AARS2: variants seen among roughly 807,000 people sequenced by gnomAD.
The protein encoded by AARS2 is alanyl-tRNA synthetase 2, mitochondrial.
Under a neutral mutation model 119.7 loss-of-function variants are expected in AARS2, and 78 were observed. The observed-to-expected ratio is 0.65, with a 90% CI of 0.54 to 0.79. The LOEUF (loss-of-function observed/expected upper bound fraction) is 0.79. Among genes scored for constraint, AARS2 ranks in the 30% least tolerant of loss-of-function variants. AARS2 has a pLI of 0.00. For missense variants in AARS2, 1,157 were observed against 1,291.3 expected, an observed-to-expected ratio of 0.90 and a Z score of 1.59; for synonymous variants, 502 against 526.3, an observed-to-expected ratio of 0.95 and a Z score of 0.63.
In AARS2 at chr6:44,307,573, G is replaced by C. The variant is rs1179426049; in HGVS notation, c.895-179C>G. Reference sequence around the variant, plus strand: ...AGCACAAGCCAGGCCCTGCCCTCACGGGGCTCATATTTGGTGCTACAAGTG... The same window carrying C: ...AGCACAAGCCAGGCCCTGCCCTCACCGGGCTCATATTTGGTGCTACAAGTG... On this transcript the variant is annotated intron_variant, in intron 5 of 21. Transcript: ENST00000244571. The surrounding 1 kb of genome is among the most constrained non-coding windows in gnomAD (Gnocchi z 4.4). The C allele has an allele frequency of 4.1e-6, 3 of 735,224 alleles. No individual in the cohort carries two copies. The East Asian group carries it at 8.2e-5, about 20-fold the overall frequency. 45.5% of individuals were successfully genotyped at this position (735,224 alleles called of 1,614,324 possible).
intron 2 of AARS2, 26 bp from the exon 3 acceptor site, chr6:44,311,561 G>T (rs778305605): frequency 6.8e-6 from 11 of 1,608,916 alleles, no homozygotes; most frequent in East Asian, 2.2e-5. Context: ...GCATGGGGTG[G>T]GGGGGGAAGA....
At chr6:44,309,861 G>A (rs1214885062) in intron 5 of AARS2, among the ~76,000 whole-genome samples, 1 of 152,080 alleles carries the variant, frequency 6.6e-6, no homozygotes, top group African/African-American at 2.4e-5. Flanking sequence ...CCTTCCCCAA[G>A]CACCTTATCT....
At position 44,309,400 on chromosome 6, in the gene AARS2, G is replaced by A. The variant is rs114588429; in HGVS notation, c.894+899C>T. Reference sequence around the variant, plus strand: ...AAACGCTAGCTCACAGACTCAGGGGGCAGATACATGGTTGTTGGTTAAGCC... The same window carrying A: ...AAACGCTAGCTCACAGACTCAGGGGACAGATACATGGTTGTTGGTTAAGCC... On this transcript the variant is annotated intron_variant, in intron 5 of 21. Transcript: ENST00000244571. 8.7e-3 allele frequency among the ~76,000 whole-genome samples: 1,318 copies of A among 152,326 alleles called. 17 individuals are homozygous for A. The highest frequency in any genetic ancestry group is 0.031 in the African/African-American group (1,275 of 41,562).
At chr6:44,302,718 G>T in intron 17 of AARS2, 84 bp downstream of exon 17, 1 of 1,474,658 alleles carries the variant, frequency 6.8e-7, no homozygotes, top group Non-Finnish European at 9.3e-7. Context: ...CTGCTGCTGG[G>T]CACCCCTGAG....
At chr6:44,303,212 A>C in intron 15 of AARS2, 37 bp from the exon 16 acceptor site, 2 of 1,614,028 alleles carry the variant, frequency 1.2e-6, no homozygotes, top group Non-Finnish European at 1.7e-6. Context: ...TAACTGCCAA[A>C]GGAGAAGGAT....
At position 44,300,169 on chromosome 6, in the gene AARS2, T is replaced by C. The variant is rs948761428; in HGVS notation, c.*378A>G. The C allele has an allele frequency of 3.3e-5, 9 of 273,006 alleles. No individual in the cohort carries two copies. The highest frequency in any genetic ancestry group is 1.2e-4 in the South Asian group (3 of 24,450). 16.9% of individuals were successfully genotyped at this position (273,006 alleles called of 1,614,324 possible). On this transcript the variant is annotated 3_prime_UTR_variant, in exon 22 of 22. Transcript: ENST00000244571. Reference sequence around the variant, plus strand: ...TAATTTTTTGTATTTTTAGTAGAGATGGGGTTTCACCATGTTAGCCAGGAT... The same window carrying C: ...TAATTTTTTGTATTTTTAGTAGAGACGGGGTTTCACCATGTTAGCCAGGAT...
intron 5 of AARS2, among the ~76,000 whole-genome samples, chr6:44,309,946 A>AT (rs765815581): frequency 4.6e-5 from 7 of 152,144 alleles, no homozygotes; most frequent in Non-Finnish European, 8.8e-5. Flanking sequence ...TCTGTAAGCT[A>AT]TTACCTTGTT....
chr6:44,311,414 G>C lies in AARS2; in HGVS notation c.557C>G (p.Thr186Ser). The C allele has an allele frequency of 6.2e-7, 1 of 1,614,176 alleles. No individual in the cohort carries two copies. Among genetic ancestry groups the C allele is most frequent in the African/African-American group, 1.3e-5 (1 of 75,026 alleles). The change falls in exon 3 of 22, where the codon ACC (threonine) becomes AGC (serine). Residue 186 changes from threonine to serine, a missense_variant. Coordinates refer to ENST00000244571, the MANE Select transcript of AARS2 (RefSeq NM_020745.4). ...PKAGLDPDLETRDIWLSLGVP... is the reference protein window; with the variant it reads ...PKAGLDPDLESRDIWLSLGVP... ...CCCTAAGCTCAGCCAGATGTCCCTG[G>C]TCTCCAGGTCTGGGTCCAGCCCTGC...
At position 44,299,262 on chromosome 6, in the gene AARS2, CTTTTTT is replaced by C. The variant is rs35562884; in HGVS notation, c.*1279_*1284del. On this transcript the variant is annotated 3_prime_UTR_variant, in exon 22 of 22. Coordinates refer to ENST00000244571, the MANE Select transcript of AARS2 (RefSeq NM_020745.4). ...ATCACCATCTGACACTTTCTCCCTT[CTTTTTT>C]TTAAGACAGGGTCTCACTCTGTTGC... Among the ~76,000 whole-genome samples, 1 of 150,746 alleles carries C rather than the reference CTTTTTT, an allele frequency of 6.6e-6. No homozygotes were observed. Among genetic ancestry groups the C allele is most frequent in the African/African-American group, 2.5e-5 (1 of 40,506 alleles).
In AARS2 at chr6:44,311,475, T is replaced by C. The variant is rs375637000; in HGVS notation, c.496A>G (p.Arg166Gly). The change falls in exon 3 of 22, where the codon AGG becomes GGG. Residue 166 changes from arginine (R) to glycine (G), a missense_variant. Coordinates refer to ENST00000244571, the MANE Select transcript of AARS2 (RefSeq NM_020745.4). ...CCATCAAAGTAGGAGATCCAGAGCC[T>C]TTCCTCAGGGATCCCATAGACCTGA... Reference protein sequence around the residue: ...LTQVYGIPEERLWISYFDGDP... With the variant: ...LTQVYGIPEEGLWISYFDGDP... 6.2e-7 allele frequency: 1 copy of C among 1,613,970 alleles called. No individual in the cohort carries two copies. Among genetic ancestry groups the C allele is most frequent in the African/African-American group, 1.3e-5 (1 of 74,892 alleles).
At position 44,304,513 on chromosome 6, in the gene AARS2, G is replaced by C. The variant is rs765790917; in HGVS notation, c.1773C>G (p.Ala591=). Residue 591 remains alanine, a synonymous_variant, in exon 13 of 22, where the codon GCC becomes GCG. Coordinates refer to ENST00000244571, the MANE Select transcript of AARS2 (RefSeq NM_020745.4). ...TGAAACCTCCACAGACCTGGGCCCGGGCTACTGGGAACAGCACGTCCTGAG... is the reference window on the plus strand; with the variant it reads ...TGAAACCTCCACAGACCTGGGCCCGCGCTACTGGGAACAGCACGTCCTGAG... ...AGQEDVLFPV[A]RAQVCGGFIL... 1.2e-6 allele frequency: 2 copies of C among 1,614,118 alleles called. No homozygotes were observed. The highest frequency in any genetic ancestry group is 1.7e-6 in the Non-Finnish European group (2 of 1,180,018).
Position 44,312,028 on chromosome 6 carries a change from A to T in AARS2, c.435+44T>A, listed in dbSNP as rs755361532. 19 of 1,604,338 alleles carry T rather than the reference A, an allele frequency of 1.2e-5. No homozygotes were observed. In the South Asian group the frequency reaches 2.1e-4, roughly 18 times the overall value. ...CAGACAGTACAATGGAAACAGGACA[A>T]ATTGACTCCCTTCTTGGCTGATCAC... On this transcript the variant is annotated intron_variant, in intron 2 of 21. Coordinates refer to ENST00000244571, the MANE Select transcript of AARS2 (RefSeq NM_020745.4).
intron 9 of AARS2, among the ~76,000 whole-genome samples, 167 bp downstream of exon 9, chr6:44,306,113 C>T (rs567770257): frequency 1.1e-4 from 17 of 152,236 alleles, no homozygotes; most frequent in Admixed American, 6.5e-4. Context: ...GGGTGGTATT[C>T]CTGCTGCAGA....
chr6:44,311,685 C>T (rs1432541187), intron 2 of AARS2, 150 bp from the exon 3 acceptor site: 1 of 1,018,936 alleles, frequency 9.8e-7, no homozygotes, highest in Non-Finnish European at 1.4e-6. Context: ...TGAACCATTA[C>T]TGCCTCTGAG....
chr6:44,304,813 G>C lies in AARS2; in HGVS notation c.1584C>G (p.Phe528Leu). Residue 528 changes from phenylalanine to leucine, a missense_variant, in exon 12 of 22, where the codon TTC becomes TTG. Coordinates refer to ENST00000244571, the MANE Select transcript of AARS2 (RefSeq NM_020745.4). Reference protein sequence around the residue: ...YSLRPSGSYEFGTCEAQVLQL... With the variant: ...YSLRPSGSYELGTCEAQVLQL... The stretch of plus-strand genomic sequence containing the variant: ...GCAACACCTGGGCCTCACAGGTGCC[G>C]AACTCTGCCAGGGCACAGAATGGTT... 1 of 1,614,134 alleles carries C rather than the reference G, an allele frequency of 6.2e-7. No homozygotes were observed. The highest frequency in any genetic ancestry group is 1.7e-4 in the Middle Eastern group (1 of 6,030).
At position 44,305,480 on chromosome 6, in the gene AARS2, A is replaced by G. The variant is rs1381554875; in HGVS notation, c.1434+173T>C. 6.6e-6 allele frequency among the ~76,000 whole-genome samples: 1 copy of G among 152,188 alleles called. No homozygotes were observed. Among genetic ancestry groups the G allele is most frequent in the Admixed American group, 6.5e-5 (1 of 15,292 alleles). ...TGCTCCTGTGTTTAGCCCATTGGCT[A>G]GTTTTGCTTTCTACTGGTTGTGGCC... On this transcript the variant is annotated intron_variant, in intron 10 of 21. Transcript: ENST00000244571. The surrounding 1 kb of genome is among the most constrained non-coding windows in gnomAD (Gnocchi z 4.6).
In AARS2 at chr6:44,306,275, C is replaced by T. The variant is rs1049002684; in HGVS notation, c.1300+5G>A. 10 of 1,613,980 alleles carry T rather than the reference C, an allele frequency of 6.2e-6. No homozygotes were observed. Among genetic ancestry groups the T allele is most frequent in the Non-Finnish European group, 3.4e-6 (4 of 1,179,870 alleles). ...CCTTGTGCATGGGCTAGGTATCCTG[C>T]TTACCAGGGAACATATCTGAAGGCC... is the stretch of plus-strand genomic sequence containing the variant. On this transcript the variant is annotated splice_donor_5th_base_variant and intron_variant, in intron 9 of 21. Transcript: ENST00000244571.
chr6:44,305,040 G>A lies in AARS2; in HGVS notation c.1579+14C>T. ...GGCAAGCTTGTGGCGGCAGGCCTTG[G>A]TCCAGGCTCTCACCATAACTTCCGC... On this transcript the variant is annotated intron_variant, in intron 11 of 21. Transcript: ENST00000244571. This position sits in a 1 kb window ranked among gnomAD's most constrained non-coding sequence, Gnocchi z 4.6. 1 of 1,614,120 alleles carries A rather than the reference G, an allele frequency of 6.2e-7. No homozygotes were observed. The highest frequency in any genetic ancestry group is 2.2e-5 in the East Asian group (1 of 44,884).
At position 44,305,585 on chromosome 6, in the gene AARS2, C is replaced by G. The variant is rs1013107870; in HGVS notation, c.1434+68G>C. On this transcript the variant is annotated intron_variant, in intron 10 of 21. Coordinates refer to ENST00000244571, the MANE Select transcript of AARS2 (RefSeq NM_020745.4). This position sits in a 1 kb window ranked among gnomAD's most constrained non-coding sequence, Gnocchi z 4.6. Reference sequence around the variant, plus strand: ...TTCCTCTCAATATTCACAGCTCCTCCCCCAGGAGCTCAGGGCTGGGGAAGA... The same window carrying G: ...TTCCTCTCAATATTCACAGCTCCTCGCCCAGGAGCTCAGGGCTGGGGAAGA... 9 of 1,601,844 alleles carry G rather than the reference C, an allele frequency of 5.6e-6. No homozygotes were observed. The African/African-American group carries it at 1.2e-4, about 21-fold the overall frequency.
Sources: gnomAD v4.1 joint callset for allele counts (sites outside exome capture counted in the v4.1 genomes callset) on GRCh38, gnomAD v4.1.1 for gene constraint, Gnocchi (gnomAD v3.1) non-coding constraint, MANE v1.5 for transcripts, NCBI Gene and HGNC (gene_info 2026-07-23, HGNC 2026-07-21) for gene names.